Variants in KCNQ1 observed in about 807,000 individuals in gnomAD.
KCNQ1 encodes the protein potassium voltage-gated channel subfamily KQT member 1.
In KCNQ1, 49 loss-of-function variants were observed where a neutral mutation model predicts 72.4. The observed-to-expected ratio is 0.68, with a 90% CI of 0.54 to 0.86. The LOEUF (loss-of-function observed/expected upper bound fraction) is 0.86. Among genes scored for constraint, KCNQ1 ranks in the 40% least tolerant of loss-of-function variants. The pLI is 0.00. For missense variants in KCNQ1, 790 were observed against 945.1 expected (o/e 0.84, Z 2.15); for synonymous variants, 450 against 412.6 (o/e 1.09, Z -1.10).
At chr11:2,776,797 C>T (rs1367957124) in intron 13 of KCNQ1, among the ~76,000 whole-genome samples, 189 bp from the exon 14 acceptor site, 1 of 152,076 alleles carries the variant, frequency 6.6e-6, no homozygotes, top group Non-Finnish European at 1.5e-5. Flanking sequence ...CCTGCTCAGC[C>T]CCCTCGGGAG....
At position 2,768,025 on chromosome 11, in the gene KCNQ1, C is replaced by T. The variant is rs1846528138; in HGVS notation, c.1515-819C>T. ...GATGCAGGCGCAGCTCAGTTCATTTCCTTTCTATGTGGGATCCTCACCTTC... is the reference window on the plus strand; with the variant it reads ...GATGCAGGCGCAGCTCAGTTCATTTTCTTTCTATGTGGGATCCTCACCTTC... On this transcript the variant is annotated intron_variant, in intron 11 of 15. Coordinates refer to ENST00000155840, the MANE Select transcript of KCNQ1 (RefSeq NM_000218.3). This position sits in a 1 kb window ranked among gnomAD's most constrained non-coding sequence, Gnocchi z 6.7. 6.6e-6 allele frequency among the ~76,000 whole-genome samples: 1 copy of T among 152,196 alleles called. No individual in the cohort carries two copies. Among genetic ancestry groups the T allele is most frequent in the African/African-American group, 2.4e-5 (1 of 41,458 alleles).
chr11:2,484,593 C>G lies in KCNQ1; in HGVS notation c.386+39109C>G, dbSNP rs1224909406. ...ACTGCCTTCCTGGCACCCCAAGATGCTCTGGGCTCAGCTTGTATTTCCTTG... is the reference window on the plus strand; with the variant it reads ...ACTGCCTTCCTGGCACCCCAAGATGGTCTGGGCTCAGCTTGTATTTCCTTG... On this transcript the variant is annotated intron_variant, in intron 1 of 15. Coordinates refer to ENST00000155840, the MANE Select transcript of KCNQ1 (RefSeq NM_000218.3). This position sits in a 1 kb window ranked among gnomAD's most constrained non-coding sequence, Gnocchi z 5.2. Among the ~76,000 whole-genome samples, 2 of 152,208 alleles carry G rather than the reference C, an allele frequency of 1.3e-5. No homozygotes were observed. The highest frequency in any genetic ancestry group is 2.9e-5 in the Non-Finnish European group (2 of 68,046).
intron 15 of KCNQ1, among the ~76,000 whole-genome samples, chr11:2,795,618 C>T (rs1233183303): frequency 6.6e-6 from 1 of 152,226 alleles, no homozygotes; most frequent in Non-Finnish European, 1.5e-5. Flanking sequence ...GGCCAGCATC[C>T]CTAGAAATCA....
rs942641044 is a variant in KCNQ1 at position 2,651,674 on chromosome 11, G to A, written c.1394-10287G>A. 2.0e-5 allele frequency: 8 copies of A among 398,492 alleles called. No individual in the cohort carries two copies. The highest frequency in any genetic ancestry group is 6.2e-5 in the African/African-American group (3 of 48,604). The allele number at this position is 398,492 out of a possible 1,614,324, so 24.7% of individuals were successfully genotyped here. A position where few individuals can be genotyped will look rare whatever the true frequency, so the allele number is the denominator to read the frequency against. On this transcript the variant is annotated intron_variant, in intron 10 of 15. Transcript: ENST00000155840. The surrounding 1 kb of genome is among the most constrained non-coding windows in gnomAD (Gnocchi z 6.1). ...CCCACAGCTCACTGACATTAGCCAC[G>A]TGGCCCTCTGTTTCCTGTAATAGGC...
In KCNQ1 at chr11:2,695,273, A is replaced by G. The variant is rs569983814; in HGVS notation, c.1514+33192A>G. The G allele has an allele frequency of 6.5e-5, 26 of 398,486 alleles. No individual in the cohort carries two copies. In the South Asian group the frequency reaches 2.9e-3, roughly 45 times the overall value. 24.7% of individuals were successfully genotyped at this position (398,486 alleles called of 1,614,324 possible). ...CTTTTCCACTTCATCTCTAGCCTCTATCCTTGCTCTCCTCCCTACACAAAC... is the reference window on the plus strand; with the variant it reads ...CTTTTCCACTTCATCTCTAGCCTCTGTCCTTGCTCTCCTCCCTACACAAAC... On this transcript the variant is annotated intron_variant, in intron 11 of 15. Transcript: ENST00000155840. The surrounding 1 kb of genome is among the most constrained non-coding windows in gnomAD (Gnocchi z 5.2).
chr11:2,533,658 C>G (rs148067878), intron 2 of KCNQ1, among the ~76,000 whole-genome samples: 2 of 152,204 alleles, frequency 1.3e-5, no homozygotes, highest in Non-Finnish European at 2.9e-5. Context: ...GTGTGCTTTG[C>G]GTGTTCTTGC....
intron 12 of KCNQ1, among the ~76,000 whole-genome samples, chr11:2,773,859 T>C (rs901776084): frequency 6.8e-6 from 1 of 146,196 alleles, no homozygotes; most frequent in African/African-American, 2.5e-5. Flanking sequence ...TGCTACCAGA[T>C]GCTAACAGGG....
In KCNQ1 at chr11:2,699,060, T is replaced by A. The variant is rs147765220; in HGVS notation, c.1514+36979T>A. The A allele has an allele frequency of 4.3e-4, 170 of 398,498 alleles. No individual in the cohort carries two copies. The highest frequency in any genetic ancestry group is 2.9e-3 in the African/African-American group (143 of 48,678). The allele number at this position is 398,498 out of a possible 1,614,324, so 24.7% of individuals were successfully genotyped here. ...CTCCGGTCCCAATTCGGGCTTTGAC[T>A]CAAAACCACAACATGGATTCCCAAC... On this transcript the variant is annotated intron_variant, in intron 11 of 15. Transcript: ENST00000155840.
rs983846649 is a variant in KCNQ1 at position 2,457,766 on chromosome 11, C to T, written c.386+12282C>T. Among the ~76,000 whole-genome samples the T allele has an allele frequency of 1.3e-5, 2 of 151,232 alleles. No homozygotes were observed. The highest frequency in any genetic ancestry group is 4.9e-5 in the African/African-American group (2 of 41,030). On this transcript the variant is annotated intron_variant, in intron 1 of 15. Coordinates refer to ENST00000155840, the MANE Select transcript of KCNQ1 (RefSeq NM_000218.3). The surrounding 1 kb of genome is among the most constrained non-coding windows in gnomAD (Gnocchi z 5.0). ...TGTGACAAACCTGCACTTGTACCTC[C>T]TGAACCTATTAAAAAAGTTGAATAA...
rs1848836289 is a variant in KCNQ1 at position 2,603,525 on chromosome 11, C to A, written c.1393+14671C>A. Among the ~76,000 whole-genome samples, 1 of 152,096 alleles carries A rather than the reference C, an allele frequency of 6.6e-6. No individual in the cohort carries two copies. Among genetic ancestry groups the A allele is most frequent in the South Asian group, 2.1e-4 (1 of 4,824 alleles). On this transcript the variant is annotated intron_variant, in intron 10 of 15. Coordinates refer to ENST00000155840, the MANE Select transcript of KCNQ1 (RefSeq NM_000218.3). The surrounding 1 kb of genome is among the most constrained non-coding windows in gnomAD (Gnocchi z 4.1). ...AACCCAGTGCCTTTTAAATATCACC[C>A]CCAAACCCACTATTCCATCCCCCTC...
At position 2,724,406 on chromosome 11, in the gene KCNQ1, C is replaced by T. The variant is rs1590054189; in HGVS notation, c.1515-44438C>T. Among the ~76,000 whole-genome samples, 1 of 152,132 alleles carries T rather than the reference C, an allele frequency of 6.6e-6. No individual in the cohort carries two copies. Among genetic ancestry groups the T allele is most frequent in the African/African-American group, 2.4e-5 (1 of 41,518 alleles). ...GAGCTGGCAGCCAGGGTCCCTGTCCCGCCAGCCCTAGGCCTCGAACCCTCC... is the reference window on the plus strand; with the variant it reads ...GAGCTGGCAGCCAGGGTCCCTGTCCTGCCAGCCCTAGGCCTCGAACCCTCC... On this transcript the variant is annotated intron_variant, in intron 11 of 15. Coordinates refer to ENST00000155840, the MANE Select transcript of KCNQ1 (RefSeq NM_000218.3). This position sits in a 1 kb window ranked among gnomAD's most constrained non-coding sequence, Gnocchi z 6.8.
At chr11:2,604,276 G>A (rs1158737968) in intron 10 of KCNQ1, among the ~76,000 whole-genome samples, 2 of 151,086 alleles carry the variant, frequency 1.3e-5, no homozygotes, top group Admixed American at 6.6e-5. Flanking sequence ...TCAGGAGTTC[G>A]AGACCAGCCT....
In KCNQ1 at chr11:2,830,071, G is replaced by A. The variant is rs1847916251; in HGVS notation, c.1795-17696G>A. Among the ~76,000 whole-genome samples, 1 of 150,170 alleles carries A rather than the reference G, an allele frequency of 6.7e-6. No homozygotes were observed. Among genetic ancestry groups the A allele is most frequent in the Admixed American group, 6.7e-5 (1 of 15,022 alleles). ...GGAGGAGGGAGGAGGGAGGAAGAGA[G>A]AGAAGGAAGAGATTGGCCAAGGAGC... On this transcript the variant is annotated intron_variant, in intron 15 of 15. Transcript: ENST00000155840. This position sits in a 1 kb window ranked among gnomAD's most constrained non-coding sequence, Gnocchi z 7.7.
In KCNQ1 at chr11:2,818,959, A is replaced by G. The variant is rs1847678153; in HGVS notation, c.1795-28808A>G. Among the ~76,000 whole-genome samples the G allele has an allele frequency of 6.6e-6, 1 of 152,014 alleles. No individual in the cohort carries two copies. Among genetic ancestry groups the G allele is most frequent in the Non-Finnish European group, 1.5e-5 (1 of 67,978 alleles). On this transcript the variant is annotated intron_variant, in intron 15 of 15. Transcript: ENST00000155840. The surrounding 1 kb of genome is among the most constrained non-coding windows in gnomAD (Gnocchi z 7.2). ...TTCATCCCACCCTCCAGCATTACCC[A>G]GCCCCACAGGACCCACATCCTGCTC...
intron 1 of KCNQ1, among the ~76,000 whole-genome samples, chr11:2,455,253 A>T (rs757622462): frequency 7.2e-5 from 11 of 152,090 alleles, no homozygotes; most frequent in Admixed American, 3.9e-4. Context: ...GTCTGCCACC[A>T]CGCCCGGCTA....
intron 10 of KCNQ1, among the ~76,000 whole-genome samples, chr11:2,607,804 G>C (rs1375668498): frequency 6.6e-6 from 1 of 152,126 alleles, no homozygotes. Context: ...CCTGAAATAA[G>C]TCCCATTTGG....
chr11:2,553,334 C>T (rs1004929263), intron 2 of KCNQ1, among the ~76,000 whole-genome samples: 1 of 152,028 alleles, frequency 6.6e-6, no homozygotes, highest in Non-Finnish European at 1.5e-5. Context: ...GGGCTGCTAT[C>T]CTTATCTTAC....
chr11:2,620,516 G>A lies in KCNQ1; in HGVS notation c.1393+31662G>A, dbSNP rs185806718. The A allele has an allele frequency of 3.1e-4, 118 of 384,148 alleles. No homozygotes were observed. The highest frequency in any genetic ancestry group is 7.4e-4 in the African/African-American group (36 of 48,352). 23.8% of individuals were successfully genotyped at this position (384,148 alleles called of 1,614,324 possible). A position where few individuals can be genotyped will look rare whatever the true frequency, so the allele number is the denominator to read the frequency against. On this transcript the variant is annotated intron_variant, in intron 10 of 15. Transcript: ENST00000155840. The surrounding 1 kb of genome is among the most constrained non-coding windows in gnomAD (Gnocchi z 4.5). The stretch of plus-strand genomic sequence containing the variant: ...CAGGTGAGAGCTACCGCACCTGGCC[G>A]AATTCATTCATTTTTATGGCTGCAT...
At chr11:2,758,140 G>A (rs1846333800) in intron 11 of KCNQ1, among the ~76,000 whole-genome samples, 2 of 152,088 alleles carry the variant, frequency 1.3e-5, no homozygotes, top group African/African-American at 4.8e-5. Context: ...TATAGACTTG[G>A]AGAAAATATG....
Sources: gnomAD v4.1 joint callset for allele counts (sites outside exome capture counted in the v4.1 genomes callset) on GRCh38, gnomAD v4.1.1 for gene constraint, Gnocchi (gnomAD v3.1) non-coding constraint, MANE v1.5 for transcripts, NCBI Gene and HGNC (gene_info 2026-07-23, HGNC 2026-07-21) for gene names.